TPRG1: variants seen among roughly 807,000 people sequenced by gnomAD.
The protein encoded by TPRG1 is tumor protein p63-regulated gene 1 protein.
A neutral mutation model predicts 29.3 loss-of-function variants in TPRG1; 29 were observed. That is an observed-to-expected ratio of 0.99 (90% CI 0.74 to 1.35). The LOEUF (loss-of-function observed/expected upper bound fraction) is 1.35. Ranked by LOEUF, TPRG1 falls within the 40% of genes most tolerant of loss-of-function variation. The pLI is 0.00. For synonymous variants in TPRG1, 130 were observed against 116.8 expected (o/e 1.11, Z -0.73); for missense variants, 327 against 335.0 (o/e 0.98, Z 0.19).
intron 3 of TPRG1, among the ~76,000 whole-genome samples, chr3:189,231,490 C>T (rs997456043): frequency 3.3e-5 from 5 of 152,088 alleles, no homozygotes; most frequent in African/African-American, 2.4e-5. Flanking sequence ...TCTTCATCAT[C>T]GTCACCATCA....
At chr3:189,156,731 C>G (rs988204376) in intron 5 of TPRG1, among the ~76,000 whole-genome samples, 6 of 152,214 alleles carry the variant, frequency 3.9e-5, no homozygotes, top group African/African-American at 9.6e-5. Flanking sequence ...CAGCCTCTAT[C>G]TATCAGTATT....
intron 4 of TPRG1, among the ~76,000 whole-genome samples, chr3:189,261,631 G>A (rs372899498): frequency 2.0e-5 from 3 of 152,136 alleles, no homozygotes; most frequent in African/African-American, 4.8e-5. Flanking sequence ...GTCTCAATGC[G>A]ATGCAAACGT....
chr3:189,320,271 A>G (rs1724161797), intron 5 of TPRG1, among the ~76,000 whole-genome samples: 1 of 152,100 alleles, frequency 6.6e-6, no homozygotes, highest in South Asian at 2.1e-4. Context: ...GAGTCAGTTT[A>G]CAGTACTAAT....
intron 4 of TPRG1, among the ~76,000 whole-genome samples, chr3:189,254,493 TGGCTATATG>T (rs1441429396): frequency 2.0e-5 from 3 of 152,242 alleles, no homozygotes; most frequent in Non-Finnish European, 2.9e-5. Context: ...AGGATTGTCT[TGGCTATATG>T]GGCTCATCTT....
At chr3:189,200,599 A>G (rs932801627) in intron 1 of TPRG1, among the ~76,000 whole-genome samples, 2 of 152,178 alleles carry the variant, frequency 1.3e-5, no homozygotes, top group African/African-American at 4.8e-5. Context: ...TCCCATCGCT[A>G]TCCCATCTGC....
chr3:189,097,777 G>T (rs1036121798), upstream of TPRG1, among the ~76,000 whole-genome samples: 7 of 152,308 alleles, frequency 4.6e-5, no homozygotes, highest in South Asian at 8.3e-4. Flanking sequence ...CACAGGAAAA[G>T]TGGCAAATAA....
chr3:189,320,756 T>C lies in TPRG1; in HGVS notation c.764T>C (p.Met255Thr). The part of the protein sequence containing the change: ...PILIETYTGL[M>T]SFIGNRNKLG... The stretch of plus-strand genomic sequence containing the variant: ...TTGATTGAGACCTACACAGGGCTGA[T>C]GTCATTCATTGGAAACCGCAACAAA... The change falls in exon 6 of 6, where the codon ATG becomes ACG. Residue 255 changes from methionine (M) to threonine (T), a missense_variant. Coordinates refer to ENST00000345063, the MANE Select transcript of TPRG1 (RefSeq NM_198485.4). The C allele has an allele frequency of 3.1e-6, 5 of 1,611,584 alleles. No homozygotes were observed. The highest frequency in any genetic ancestry group is 4.2e-6 in the Non-Finnish European group (5 of 1,178,886).
At chr3:189,075,738 A>G (rs1717130967) in intron 4 of TPRG1, among the ~76,000 whole-genome samples, 1 of 152,174 alleles carries the variant, frequency 6.6e-6, no homozygotes, top group Non-Finnish European at 1.5e-5. Context: ...TCCTTAGCCC[A>G]CAGTTCCCAT....
chr3:189,135,050 A>G (rs930599024), intron 3 of TPRG1, among the ~76,000 whole-genome samples: 2 of 152,170 alleles, frequency 1.3e-5, no homozygotes, highest in African/African-American at 4.8e-5. Context: ...ACTTCCTTAC[A>G]GTGGGATGTG....
At chr3:189,222,590 C>T (rs1737105851) in intron 3 of TPRG1, among the ~76,000 whole-genome samples, 1 of 152,212 alleles carries the variant, frequency 6.6e-6, no homozygotes, top group Non-Finnish European at 1.5e-5. Context: ...CTACTGAACA[C>T]AAATCTGCAT....
intron 4 of TPRG1, among the ~76,000 whole-genome samples, chr3:189,039,008 C>G (rs943683412): frequency 2.0e-5 from 3 of 152,194 alleles, no homozygotes; most frequent in Non-Finnish European, 4.4e-5. Flanking sequence ...TCCTCATGCA[C>G]TGCTGGTGGG....
chr3:189,042,184 C>G (rs150973090), intron 4 of TPRG1, among the ~76,000 whole-genome samples: 1 of 152,118 alleles, frequency 6.6e-6, no homozygotes, highest in Non-Finnish European at 1.5e-5. Flanking sequence ...AATTATAAAA[C>G]AAGTATTAAA....
intron 4 of TPRG1, among the ~76,000 whole-genome samples, chr3:189,066,262 C>A (rs1413572098): frequency 6.6e-6 from 1 of 152,106 alleles, no homozygotes; most frequent in African/African-American, 2.4e-5. Context: ...AATATCAATC[C>A]TACTTAAACT....
At chr3:189,130,119 T>A (rs549858354) in intron 2 of TPRG1, among the ~76,000 whole-genome samples, 2 of 152,288 alleles carry the variant, frequency 1.3e-5, no homozygotes, top group Admixed American at 1.3e-4. Flanking sequence ...TAATATAGAA[T>A]ATCCTCAACC....
intron 4 of TPRG1, chr3:189,267,617 T>G (rs1714340360): frequency 6.6e-6 from 1 of 151,966 alleles, no homozygotes; most frequent in Non-Finnish European, 1.5e-5. Flanking sequence ...AAGAATGATA[T>G]GAAAGTGTGA....
rs187615830 is a variant in TPRG1, at chr3:189,260,285, T to A, written c.479+21376T>A. Among the ~76,000 whole-genome samples the A allele has an allele frequency of 1.3e-3, 203 of 152,304 alleles. 1 individual carries two copies. Among genetic ancestry groups the A allele is most frequent in the African/African-American group, 4.4e-3 (183 of 41,558 alleles). On this transcript the variant is annotated intron_variant, in intron 4 of 5. Coordinates refer to ENST00000345063, the MANE Select transcript of TPRG1 (RefSeq NM_198485.4). ...AAGCATTTGAATTACGCAAGCATCT[T>A]TAATAGTTTTGGTAGAAAGACCTTG...
At chr3:189,267,083 A>C (rs953392252) in intron 4 of TPRG1, among the ~76,000 whole-genome samples, 1 of 152,214 alleles carries the variant, frequency 6.6e-6, no homozygotes, top group Non-Finnish European at 1.5e-5. Context: ...GCAGTCCCAC[A>C]AAATTATATC....
intron 4 of TPRG1, among the ~76,000 whole-genome samples, chr3:189,242,833 C>A (rs1467493304): frequency 6.6e-6 from 1 of 150,896 alleles, no homozygotes; most frequent in Non-Finnish European, 1.5e-5. Context: ...CTCAGGAGGC[C>A]CTCCCATCAC....
At chr3:189,253,404 T>G (rs546954366) in intron 4 of TPRG1, among the ~76,000 whole-genome samples, 1 of 152,234 alleles carries the variant, frequency 6.6e-6, no homozygotes, top group East Asian at 1.9e-4. Context: ...TCCAGCTTCA[T>G]CCATGTGCCT....
Sources: gnomAD v4.1 joint callset for allele counts (sites outside exome capture counted in the v4.1 genomes callset) on GRCh38, gnomAD v4.1.1 for gene constraint, MANE v1.5 for transcripts, NCBI Gene and HGNC (gene_info 2026-07-23, HGNC 2026-07-21) for gene names.